Variants in TRAPPC9 observed in about 807,000 individuals in gnomAD.
TRAPPC9 encodes trafficking protein particle complex subunit 9.
TRAPPC9 carries 83 observed loss-of-function variants against 124.0 expected under a neutral mutation model. The ratio of observed to expected loss-of-function variants is 0.67; its 90% CI spans 0.56 to 0.80. The LOEUF (loss-of-function observed/expected upper bound fraction) is 0.80, where lower values mean the gene tolerates loss of function less well. Among genes scored for constraint, TRAPPC9 ranks in the 30% least tolerant of loss-of-function variants. The pLI, the probability that TRAPPC9 is intolerant of heterozygous loss-of-function variation, is 0.00. For synonymous variants in TRAPPC9, 638 were observed against 617.5 expected (o/e 1.03, Z -0.49); for missense variants, 1,302 against 1,508.3 (o/e 0.86, Z 2.27).
At chr8:140,343,504 C>T (rs556137331) in intron 9 of TRAPPC9, among the ~76,000 whole-genome samples, 1 of 152,302 alleles carries the variant, frequency 6.6e-6, no homozygotes, top group South Asian at 2.1e-4. Flanking sequence ...CGAAAGGACG[C>T]AGAATTCCTC....
At chr8:139,781,575 G>A (rs76797669) in intron 21 of TRAPPC9, among the ~76,000 whole-genome samples, 2,207 of 152,290 alleles carry the variant, frequency 0.014, 24 homozygotes, top group Non-Finnish European at 0.024. Flanking sequence ...TTATTCAAAC[G>A]CATAGAATGT....
chr8:139,900,026 C>T (rs551679499), intron 20 of TRAPPC9, among the ~76,000 whole-genome samples: 1 of 152,286 alleles, frequency 6.6e-6, no homozygotes, highest in South Asian at 2.1e-4. Flanking sequence ...CACCATTTGA[C>T]CAGAGCCGTC....
intron 14 of TRAPPC9, among the ~76,000 whole-genome samples, chr8:140,276,422 T>C (rs1462541156): frequency 6.6e-6 from 1 of 152,016 alleles, no homozygotes; most frequent in Non-Finnish European, 1.5e-5. Context: ...TGGGGCTCCA[T>C]CCTCACACCA....
rs562964854 is a variant in TRAPPC9 at position 140,431,140 on chromosome 8, G to A, written c.859+3972C>T. The stretch of plus-strand genomic sequence containing the variant: ...TAACGGCCATGTCTCTAAACCTGCA[G>A]CTAAATTATGGGTATAAGAACTACT... On this transcript the variant is annotated intron_variant, in intron 4 of 22. Transcript: ENST00000438773. Among the ~76,000 whole-genome samples, 5 of 152,152 alleles carry A rather than the reference G, an allele frequency of 3.3e-5. No homozygotes were observed. In the East Asian group the frequency reaches 9.7e-4, roughly 30 times the overall value.
At chr8:139,850,303 G>T (rs1164876945) in intron 21 of TRAPPC9, among the ~76,000 whole-genome samples, 1 of 152,182 alleles carries the variant, frequency 6.6e-6, no homozygotes, top group Non-Finnish European at 1.5e-5. Flanking sequence ...CCTGCAGATG[G>T]CTGGTTCTCA....
At chr8:139,786,322 T>G (rs1392339708) in intron 21 of TRAPPC9, among the ~76,000 whole-genome samples, 1 of 151,710 alleles carries the variant, frequency 6.6e-6, no homozygotes, top group African/African-American at 2.4e-5. Context: ...ACACCGTGAG[T>G]CAGTAGGGAG....
At chr8:139,847,773 C>A (rs539969830) in intron 21 of TRAPPC9, among the ~76,000 whole-genome samples, 6 of 150,018 alleles carry the variant, frequency 4.0e-5, no homozygotes, top group African/African-American at 1.5e-4. Flanking sequence ...GCCTCTCCGG[C>A]GGCCCAGCCT....
intron 18 of TRAPPC9, among the ~76,000 whole-genome samples, chr8:140,018,757 GA>G (rs1839643780): frequency 6.6e-6 from 1 of 152,152 alleles, no homozygotes; most frequent in African/African-American, 2.4e-5. Flanking sequence ...ACCATACAAA[GA>G]AAGACATGTG....
intron 9 of TRAPPC9, among the ~76,000 whole-genome samples, chr8:140,317,298 A>C (rs1302666847): frequency 6.6e-6 from 1 of 151,834 alleles, no homozygotes; most frequent in East Asian, 1.9e-4. Flanking sequence ...ATGCAGTGTT[A>C]GACTGTTTAT....
chr8:140,041,985 A>G (rs1253943769), intron 17 of TRAPPC9, among the ~76,000 whole-genome samples: 1 of 152,054 alleles, frequency 6.6e-6, no homozygotes, highest in Admixed American at 6.5e-5. Flanking sequence ...AAAAAAATCT[A>G]TTATAGCTTC....
At chr8:140,061,299 C>A (rs773794930) in intron 17 of TRAPPC9, among the ~76,000 whole-genome samples, 28 of 49,776 alleles carry the variant, frequency 5.6e-4, no homozygotes, top group Non-Finnish European at 1.7e-3. Context: ...GGCTGCCCGG[C>A]AGCCTGTTGT....
At chr8:140,232,140 A>C (rs144671870) in intron 16 of TRAPPC9, among the ~76,000 whole-genome samples, 3 of 151,712 alleles carry the variant, frequency 2.0e-5, no homozygotes, top group African/African-American at 7.3e-5. Context: ...CTGGTCTCAA[A>C]CTCCTAGGCT....
chr8:140,236,099 T>TC (rs35210825), intron 16 of TRAPPC9, among the ~76,000 whole-genome samples: 22,719 of 141,382 alleles, frequency 0.16, 2,144 homozygotes, highest in East Asian at 0.59. Flanking sequence ...TTTTTTTTTT[T>TC]TGAGACAGAG....
intron 5 of TRAPPC9, among the ~76,000 whole-genome samples, chr8:140,423,271 T>C (rs916571645): frequency 1.3e-5 from 2 of 151,922 alleles, no homozygotes; most frequent in Non-Finnish European, 2.9e-5. Flanking sequence ...ACCCCTTCTC[T>C]ACTAAAAATA....
chr8:140,280,956 C>T (rs1381835589), intron 14 of TRAPPC9, among the ~76,000 whole-genome samples: 2 of 152,210 alleles, frequency 1.3e-5, no homozygotes, highest in Non-Finnish European at 2.9e-5. Context: ...CTGGTCTGCA[C>T]TGGGGCACGT....
At chr8:140,106,258 C>G (rs750556135) in intron 17 of TRAPPC9, among the ~76,000 whole-genome samples, 131 of 152,258 alleles carry the variant, frequency 8.6e-4, no homozygotes, top group Non-Finnish European at 1.4e-3. Context: ...GAATCAACAC[C>G]AGGTTCGCAT....
At chr8:140,380,039 T>C (rs1015619321) in intron 7 of TRAPPC9, among the ~76,000 whole-genome samples, 1 of 152,190 alleles carries the variant, frequency 6.6e-6, no homozygotes, top group African/African-American at 2.4e-5. Flanking sequence ...ACAGACTCAA[T>C]GCGATCCCTA....
At chr8:140,039,396 A>C (rs1371926853) in intron 17 of TRAPPC9, among the ~76,000 whole-genome samples, 1 of 152,246 alleles carries the variant, frequency 6.6e-6, no homozygotes, top group Non-Finnish European at 1.5e-5. Flanking sequence ...TAAATATACC[A>C]GATAAACAGT....
rs10089569 is a variant in TRAPPC9, at chr8:139,860,350, G to A, written c.3055+25529C>T. On this transcript the variant is annotated intron_variant, in intron 21 of 22. Coordinates refer to ENST00000438773, the MANE Select transcript of TRAPPC9 (RefSeq NM_001160372.4). ...TACACGGCTCCAAGGGGTGGAGGTC[G>A]GGAACAACCTCAGGGAGCCACTGGC... Among the ~76,000 whole-genome samples the A allele has an allele frequency of 5.4e-3, 825 of 152,282 alleles. 7 individuals carry two copies. Among genetic ancestry groups the A allele is most frequent in the African/African-American group, 0.019 (775 of 41,552 alleles).
Sources: gnomAD v4.1 joint callset for allele counts (sites outside exome capture counted in the v4.1 genomes callset) on GRCh38, gnomAD v4.1.1 for gene constraint, MANE v1.5 for transcripts, NCBI Gene and HGNC (gene_info 2026-07-23, HGNC 2026-07-21) for gene names.